PIWIL4: variants seen among roughly 807,000 people sequenced by gnomAD.
The protein encoded by PIWIL4 is piwi like RNA-mediated gene silencing 4.
PIWIL4 carries 50 observed loss-of-function variants against 100.9 expected under a neutral mutation model. The observed-to-expected ratio is 0.50, with a 90% CI of 0.39 to 0.63. The LOEUF is 0.63. Among genes scored for constraint, PIWIL4 ranks in the 20% least tolerant of loss-of-function variants. The pLI is 0.00. For synonymous variants in PIWIL4, 342 were observed against 367.5 expected (o/e 0.93, Z 0.79); for missense variants, 887 against 1,043.3 (o/e 0.85, Z 2.06).
intron 10 of PIWIL4, among the ~76,000 whole-genome samples, chr11:94,596,494 C>T (rs767739991): frequency 7.9e-5 from 12 of 152,094 alleles, no homozygotes; most frequent in Non-Finnish European, 1.5e-4. Flanking sequence ...TAATACTGTA[C>T]GTCATGTTTT....
intron 9 of PIWIL4, among the ~76,000 whole-genome samples, chr11:94,594,081 G>A (rs997721982): frequency 3.9e-5 from 6 of 152,122 alleles, no homozygotes; most frequent in Admixed American, 2.6e-4. Context: ...TGACTAACAG[G>A]TAGGCCTAGG....
chr11:94,603,374 G>T (rs1948672153), intron 12 of PIWIL4, among the ~76,000 whole-genome samples: 1 of 152,304 alleles, frequency 6.6e-6, no homozygotes, highest in East Asian at 1.9e-4. Context: ...AAATTCCTAT[G>T]TGTGTGAGAA....
intron 17 of PIWIL4, 89 bp from the exon 18 acceptor site, chr11:94,619,671 T>C: frequency 7.4e-7 from 1 of 1,356,104 alleles, no homozygotes; most frequent in South Asian, 1.6e-5. Context: ...ATGGAATTTT[T>C]ATTTATTTCA....
intron 8 of PIWIL4, among the ~76,000 whole-genome samples, chr11:94,589,609 C>T (rs1948454967): frequency 6.6e-6 from 1 of 152,176 alleles, no homozygotes; most frequent in African/African-American, 2.4e-5. Flanking sequence ...CCCCTGCTCC[C>T]TTCCCTGGCT....
chr11:94,583,374 A>G, intron 4 of PIWIL4, 74 bp from the exon 5 acceptor site: 1 of 1,530,396 alleles, frequency 6.5e-7, no homozygotes, highest in Non-Finnish European at 8.9e-7. Flanking sequence ...TTACATTGTG[A>G]TGGCTTTATA....
At chr11:94,600,605 G>A (rs879930100) in intron 11 of PIWIL4, among the ~76,000 whole-genome samples, 7 of 152,282 alleles carry the variant, frequency 4.6e-5, no homozygotes, top group East Asian at 1.9e-4. Context: ...TTCGGGCACC[G>A]TTGTCACTGA....
chr11:94,602,063 T>C (rs1948650016), intron 12 of PIWIL4, 84 bp downstream of exon 12: 4 of 1,296,670 alleles, frequency 3.1e-6, no homozygotes, highest in East Asian at 2.4e-5. Flanking sequence ...CAACAAAAGC[T>C]TCTTTATCCC....
In PIWIL4 at chr11:94,607,507, C is replaced by A; in HGVS notation, c.1707C>A (p.Asp569Glu). Residue 569 changes from aspartate to glutamate, a missense_variant, in exon 14 of 20, where the codon GAC becomes GAA. Physicochemically the swap from Asp to Glu is conservative, Grantham distance 45. Transcript: ENST00000299001. ...CCATTAAAAAATATTTGAGCTCAGA[C>A]TGCCCAGTCCCAAGCCAATGTGTGC... is the stretch of plus-strand genomic sequence containing the variant. ...YDSIKKYLSS[D>E]CPVPSQCVLA... The A allele has an allele frequency of 1.2e-6, 2 of 1,614,028 alleles. No individual in the cohort carries two copies.
chr11:94,590,656 G>T (rs537775169), intron 8 of PIWIL4, among the ~76,000 whole-genome samples: 10 of 152,164 alleles, frequency 6.6e-5, no homozygotes, highest in Non-Finnish European at 1.3e-4. Flanking sequence ...AAATTCTGTA[G>T]CTCAGATAGG....
rs1433805840 is a variant in PIWIL4 at position 94,587,086 on chromosome 11, A to T, written c.753A>T (p.Ser251=). 6.2e-7 allele frequency: 1 copy of T among 1,613,604 alleles called. No individual in the cohort carries two copies. Among genetic ancestry groups the T allele is most frequent in the Non-Finnish European group, 8.5e-7 (1 of 1,179,834 alleles). ...SLWPGFAISV[S]YFERKLLFSA... is the part of the protein sequence containing the mutation. Reference sequence around the variant, plus strand: ...GGCCTGGGTTTGCCATTTCTGTGTCATATTTTGAAAGGAAGCTCCTGTTTA... The same window carrying T: ...GGCCTGGGTTTGCCATTTCTGTGTCTTATTTTGAAAGGAAGCTCCTGTTTA... Residue 251 remains serine, a synonymous_variant, in exon 7 of 20, where the codon TCA becomes TCT. Coordinates refer to ENST00000299001, the MANE Select transcript of PIWIL4 (RefSeq NM_152431.3).
rs752357680 is a variant in PIWIL4, at chr11:94,593,551, C to T, written c.1060C>T (p.Pro354Ser). The T allele has an allele frequency of 1.9e-6, 3 of 1,613,650 alleles. No homozygotes were observed. In the South Asian group the frequency reaches 3.3e-5, roughly 18 times the overall value. ...TATTACTGTATCGGACCTGAATCAG[C>T]CCATGCTTGTTAGTCTGTTAAAGAA... ...YDITVSDLNQ[P>S]MLVSLLKKKR... Residue 354 changes from proline (P) to serine (S), a missense_variant, in exon 9 of 20, where the codon CCC becomes TCC. This residue lies in a region of PIWIL4 where 741 missense variants were observed against 930.0 expected (regional missense o/e 0.80). Transcript: ENST00000299001.
At chr11:94,575,474 G>A (rs1171365839) in intron 3 of PIWIL4, among the ~76,000 whole-genome samples, 3 of 152,110 alleles carry the variant, frequency 2.0e-5, no homozygotes, top group Non-Finnish European at 4.4e-5. Context: ...CTATTTGGGG[G>A]ATTCTTTACC....
chr11:94,584,932 C>T (rs527376881), intron 5 of PIWIL4, among the ~76,000 whole-genome samples: 4 of 152,246 alleles, frequency 2.6e-5, no homozygotes, highest in East Asian at 3.9e-4. Flanking sequence ...GGCGTGGTGG[C>T]GCTCTTGCCT....
chr11:94,607,759 C>G, intron 14 of PIWIL4, 120 bp downstream of exon 14: 5 of 1,076,080 alleles, frequency 4.6e-6, no homozygotes, highest in Non-Finnish European at 6.5e-6. Flanking sequence ...TGAGCCTTTG[C>G]CCTGGGTTCT....
intron 15 of PIWIL4, among the ~76,000 whole-genome samples, chr11:94,614,578 G>A (rs1454394355): frequency 6.6e-6 from 1 of 152,068 alleles, no homozygotes; most frequent in Non-Finnish European, 1.5e-5. Flanking sequence ...AAAAGTGCTG[G>A]GGTTACAGGC....
At chr11:94,585,188 T>G (rs1948381293) in intron 5 of PIWIL4, among the ~76,000 whole-genome samples, 2 of 152,244 alleles carry the variant, frequency 1.3e-5, no homozygotes, top group Non-Finnish European at 2.9e-5. Flanking sequence ...AATGGCTAAT[T>G]GACCACATAT....
In PIWIL4 at chr11:94,601,781, A is replaced by AT. The variant is rs747476747; in HGVS notation, c.1381-12dup. On this transcript the variant is annotated splice_polypyrimidine_tract_variant and intron_variant, in intron 11 of 19. Transcript: ENST00000299001. Reference sequence around the variant, plus strand: ...AAATTTGTTCAATCCTTTCATGATCATTATTTTTCTCAGTGTCAACCTGTG... The same window carrying AT: ...AAATTTGTTCAATCCTTTCATGATCATTTATTTTTCTCAGTGTCAACCTGTG... The AT allele has an allele frequency of 6.2e-7, 1 of 1,611,470 alleles. No individual in the cohort carries two copies. The highest frequency in any genetic ancestry group is 1.1e-5 in the South Asian group (1 of 90,580).
At chr11:94,576,656 C>T (rs1948241760) in intron 3 of PIWIL4, among the ~76,000 whole-genome samples, 2 of 152,136 alleles carry the variant, frequency 1.3e-5, no homozygotes, top group Non-Finnish European at 2.9e-5. Flanking sequence ...GCACACATGG[C>T]CTCCATGTGT....
chr11:94,601,832 T>G lies in PIWIL4; in HGVS notation c.1418T>G (p.Ile473Ser). ...TCTGCTGCTGACTGGTCCAAGGATA[T>G]TCGAACTTGCAAGATTTTAAATGCA... Reference protein sequence around the residue: ...PVSAADWSKDIRTCKILNAQS... With the variant: ...PVSAADWSKDSRTCKILNAQS... Residue 473 changes from isoleucine to serine, a missense_variant, in exon 12 of 20, where the codon ATT (isoleucine) becomes AGT (serine). By Grantham distance (142) the Ile-to-Ser change is moderately radical. This residue lies in a region of PIWIL4 where 741 missense variants were observed against 930.0 expected (regional missense o/e 0.80). Coordinates refer to ENST00000299001, the MANE Select transcript of PIWIL4 (RefSeq NM_152431.3). The G allele has an allele frequency of 6.2e-7, 1 of 1,614,142 alleles. No individual in the cohort carries two copies. The highest frequency in any genetic ancestry group is 2.2e-5 in the East Asian group (1 of 44,884).
Sources: gnomAD v4.1 joint callset for allele counts (sites outside exome capture counted in the v4.1 genomes callset) on GRCh38, gnomAD v4.1.1 for gene constraint, gnomAD v4.1.1 regional missense constraint, MANE v1.5 for transcripts, NCBI Gene and HGNC (gene_info 2026-07-23, HGNC 2026-07-21) for gene names.